TMEM132D: variants seen among roughly 807,000 people sequenced by gnomAD.
TMEM132D encodes mature OL transmembrane protein.
TMEM132D carries 21 observed loss-of-function variants against 62.3 expected under a neutral mutation model. The ratio of observed to expected loss-of-function variants is 0.34; its 90% CI spans 0.24 to 0.49. The LOEUF is 0.49. Among genes scored for constraint, TMEM132D ranks in the 20% least tolerant of loss-of-function variants. TMEM132D has a pLI of 0.99. For missense variants in TMEM132D, 1,346 were observed against 1,402.8 expected (o/e 0.96, Z 0.65); for synonymous variants, 621 against 575.6 (o/e 1.08, Z -1.13).
intron 3 of TMEM132D, among the ~76,000 whole-genome samples, chr12:129,376,254 G>A (rs984179993): frequency 4.6e-5 from 7 of 152,144 alleles, no homozygotes; most frequent in Admixed American, 2.0e-4. Flanking sequence ...GATGCATAAA[G>A]GAAAGATGGT....
intron 2 of TMEM132D, among the ~76,000 whole-genome samples, chr12:129,542,723 G>A (rs976846909): frequency 6.6e-6 from 1 of 151,978 alleles, no homozygotes; most frequent in Admixed American, 6.6e-5. Context: ...ATACACACAC[G>A]CATATACGTA....
chr12:129,227,946 C>T (rs1216399941), intron 4 of TMEM132D, among the ~76,000 whole-genome samples: 3 of 152,162 alleles, frequency 2.0e-5, no homozygotes, highest in Admixed American at 2.0e-4. Context: ...TTTATGGCTG[C>T]ATAGTATTCC....
intron 4 of TMEM132D, among the ~76,000 whole-genome samples, chr12:129,251,131 G>C (rs941302283): frequency 2.6e-5 from 4 of 152,068 alleles, no homozygotes; most frequent in Admixed American, 2.6e-4. Flanking sequence ...GCTGAGGTGG[G>C]TGGGTTGCCT....
At chr12:129,114,837 G>A (rs1036462396) in intron 5 of TMEM132D, among the ~76,000 whole-genome samples, 5 of 152,206 alleles carry the variant, frequency 3.3e-5, no homozygotes, top group Non-Finnish European at 5.9e-5. Context: ...TGGTCGCATT[G>A]TTGTGTGTGG....
intron 1 of TMEM132D, among the ~76,000 whole-genome samples, chr12:129,788,286 T>G (rs1230289360): frequency 6.6e-6 from 1 of 152,366 alleles, no homozygotes; most frequent in African/African-American, 2.4e-5. Flanking sequence ...TTGCCTGTGA[T>G]CTCACAAACT....
Position 129,258,037 on chromosome 12 carries a change from G to A in TMEM132D, c.1300-48374C>T, listed in dbSNP as rs989351575. On this transcript the variant is annotated intron_variant, in intron 4 of 8. Coordinates refer to ENST00000422113, the MANE Select transcript of TMEM132D (RefSeq NM_133448.3). ...CTAAACTCATGCAACAATTAAAAGA[G>A]GGATGCACAATCCCACCACCTTCCG... Among the ~76,000 whole-genome samples the A allele has an allele frequency of 4.6e-5, 7 of 152,158 alleles. No homozygotes were observed. In the East Asian group the frequency reaches 9.6e-4, roughly 21 times the overall value.
intron 5 of TMEM132D, among the ~76,000 whole-genome samples, chr12:129,119,834 T>C (rs978139078): frequency 1.3e-5 from 2 of 151,918 alleles, no homozygotes; most frequent in Admixed American, 6.6e-5. Flanking sequence ...ATTCAACTAG[T>C]GGTGGGCTCT....
intron 3 of TMEM132D, among the ~76,000 whole-genome samples, chr12:129,438,959 A>G (rs943342515): frequency 2.6e-5 from 4 of 152,192 alleles, no homozygotes; most frequent in Admixed American, 2.0e-4. Flanking sequence ...TCTTATTGCA[A>G]TTCTCTGCAG....
chr12:129,432,538 G>T (rs1350609475), intron 3 of TMEM132D, among the ~76,000 whole-genome samples: 5 of 152,226 alleles, frequency 3.3e-5, no homozygotes, highest in Admixed American at 3.3e-4. Flanking sequence ...ATTGGCATGG[G>T]CCATAAAGGA....
chr12:129,548,194 G>A (rs1001956926), intron 2 of TMEM132D, among the ~76,000 whole-genome samples: 6 of 152,088 alleles, frequency 3.9e-5, no homozygotes, highest in Admixed American at 2.0e-4. Flanking sequence ...TGGGGTTCCC[G>A]CCTATATCCC....
intron 5 of TMEM132D, among the ~76,000 whole-genome samples, chr12:129,121,162 C>G (rs1406935161): frequency 1.3e-5 from 2 of 152,114 alleles, no homozygotes; most frequent in East Asian, 3.9e-4. Context: ...ATGGCACAAT[C>G]TCGGCTCACT....
intron 2 of TMEM132D, among the ~76,000 whole-genome samples, chr12:129,649,049 C>T (rs2137181393): frequency 6.6e-6 from 1 of 152,234 alleles, no homozygotes; most frequent in African/African-American, 2.4e-5. Context: ...TCATTTCACC[C>T]TCACAATAAT....
rs1448499705 is a variant in TMEM132D at position 129,899,366 on chromosome 12, G to T, written c.79+3895C>A. Among the ~76,000 whole-genome samples, 2 of 132,532 alleles carry T rather than the reference G, an allele frequency of 1.5e-5. 1 individual carries two copies. The highest frequency in any genetic ancestry group is 6.8e-5 in the African/African-American group (2 of 29,502). 86.9% of individuals were successfully genotyped at this position (132,532 alleles called of 152,430 possible). ...ATGATGGATGGAGGGATGGATGGAT[G>T]GATGGACTGGTAGATGGATGGGTGG... On this transcript the variant is annotated intron_variant, in intron 1 of 8. Transcript: ENST00000422113.
At chr12:129,846,733 C>T (rs1453342782) in intron 1 of TMEM132D, among the ~76,000 whole-genome samples, 1 of 152,162 alleles carries the variant, frequency 6.6e-6, no homozygotes, top group African/African-American at 2.4e-5. Context: ...TTCTAATATT[C>T]TCTTAAGCCA....
intron 3 of TMEM132D, among the ~76,000 whole-genome samples, chr12:129,374,300 C>A (rs1035985208): frequency 1.0e-3 from 60 of 58,288 alleles, no homozygotes; most frequent in African/African-American, 4.7e-3. Context: ...AGAGAGATTG[C>A]CCCTTCTAGT....
At chr12:129,191,292 G>GACACACACACACACAC (rs56128227) in intron 5 of TMEM132D, among the ~76,000 whole-genome samples, 7 of 145,132 alleles carry the variant, frequency 4.8e-5, no homozygotes, top group Non-Finnish European at 1.1e-4. Flanking sequence ...AGGGAAATAG[G>GACACACACACACACAC]ACACACACAC....
Position 129,610,277 on chromosome 12 carries a change from CAA to C in TMEM132D, c.969-79074_969-79073del, listed in dbSNP as rs34621276. 9.8e-3 allele frequency among the ~76,000 whole-genome samples: 1,063 copies of C among 108,698 alleles called. 33 individuals carry two copies. The East Asian group carries it at 0.13, about 13-fold the overall frequency. 71.3% of individuals were successfully genotyped at this position (108,698 alleles called of 152,430 possible). On this transcript the variant is annotated intron_variant, in intron 2 of 8. Coordinates refer to ENST00000422113, the MANE Select transcript of TMEM132D (RefSeq NM_133448.3). Reference sequence around the variant, plus strand: ...GGGCGACAAGAGCAAGGCTCTGTCTCAAAAAAAAAAAAAAAAAGAGAGACAGA... The same window carrying C: ...GGGCGACAAGAGCAAGGCTCTGTCTCAAAAAAAAAAAAAAAGAGAGACAGA...
At chr12:129,176,512 G>A (rs940758830) in intron 5 of TMEM132D, among the ~76,000 whole-genome samples, 2 of 152,234 alleles carry the variant, frequency 1.3e-5, no homozygotes, top group Non-Finnish European at 2.9e-5. Flanking sequence ...ACAGAGGAAG[G>A]CGAATAGCAA....
chr12:129,442,712 C>T (rs1049949567), intron 3 of TMEM132D, among the ~76,000 whole-genome samples: 2 of 152,090 alleles, frequency 1.3e-5, no homozygotes, highest in African/African-American at 4.8e-5. Flanking sequence ...TACTGGAATC[C>T]ATGCCCAGCC....
Sources: gnomAD v4.1 joint callset for allele counts (sites outside exome capture counted in the v4.1 genomes callset) on GRCh38, gnomAD v4.1.1 for gene constraint, MANE v1.5 for transcripts, NCBI Gene and HGNC (gene_info 2026-07-23, HGNC 2026-07-21) for gene names.